CSMD1: variants seen among roughly 807,000 people sequenced by gnomAD.
CSMD1 encodes CUB and sushi domain-containing protein 1.
Under a neutral mutation model 417.5 loss-of-function variants are expected in CSMD1, and 213 were observed. The observed-to-expected ratio is 0.51, with a 90% CI of 0.46 to 0.57. CSMD1 has a LOEUF of 0.57. Among genes scored for constraint, CSMD1 ranks in the 20% least tolerant of loss-of-function variants. CSMD1 has a pLI of 0.00. For missense variants in CSMD1, 6,923 were observed against 4,529.7 expected (o/e 1.53, Z -15.17); for synonymous variants, 2,862 against 1,736.8 (o/e 1.65, Z -16.11).
chr8:3,626,358 T>C (rs1796493235), intron 7 of CSMD1, among the ~76,000 whole-genome samples: 2 of 152,218 alleles, frequency 1.3e-5, no homozygotes, highest in African/African-American at 4.8e-5. Context: ...CAATTATTCA[T>C]GGTCTCCTCA....
In CSMD1 at chr8:3,976,266, C is replaced by G. The variant is rs540762245; in HGVS notation, c.818+21637G>C. Among the ~76,000 whole-genome samples the G allele has an allele frequency of 1.2e-4, 18 of 152,046 alleles. No homozygotes were observed. The South Asian group carries it at 3.7e-3, about 32-fold the overall frequency. On this transcript the variant is annotated intron_variant, in intron 5 of 69. Transcript: ENST00000635120. ...TAAAAATTATTTAAAAATGTAACTT[C>G]TTAATTATTTTTAGCTGTCAGGTTA... is the stretch of plus-strand genomic sequence containing the variant.
intron 5 of CSMD1, among the ~76,000 whole-genome samples, chr8:3,882,652 A>G (rs1277978495): frequency 6.6e-6 from 1 of 152,188 alleles, no homozygotes; most frequent in African/African-American, 2.4e-5. Flanking sequence ...AGGGATATAA[A>G]TAAGTTGTGG....
At chr8:4,487,530 G>A (rs1409103525) in intron 2 of CSMD1, among the ~76,000 whole-genome samples, 3 of 152,156 alleles carry the variant, frequency 2.0e-5, no homozygotes, top group Non-Finnish European at 4.4e-5. Flanking sequence ...ATTCCATGGT[G>A]TACATGTGCC....
At position 4,220,351 on chromosome 8, in the gene CSMD1, G is replaced by A. The variant is rs149620754; in HGVS notation, c.416-188252C>T. Among the ~76,000 whole-genome samples, 116 of 152,304 alleles carry A rather than the reference G, an allele frequency of 7.6e-4. 1 individual carries two copies. The highest frequency in any genetic ancestry group is 2.6e-3 in the African/African-American group (107 of 41,574). Reference sequence around the variant, plus strand: ...AGGAGGTTAGCATGTACAACAGCAGGAAAGAGGACCACACCATGAGGAGGA... The same window carrying A: ...AGGAGGTTAGCATGTACAACAGCAGAAAAGAGGACCACACCATGAGGAGGA... On this transcript the variant is annotated intron_variant, in intron 3 of 69. Coordinates refer to ENST00000635120, the MANE Select transcript of CSMD1 (RefSeq NM_033225.6).
At chr8:4,808,716 C>T (rs1361732751) in intron 1 of CSMD1, among the ~76,000 whole-genome samples, 1 of 152,142 alleles carries the variant, frequency 6.6e-6, no homozygotes, top group African/African-American at 2.4e-5. Context: ...TGAACACGCC[C>T]ACTCAGAAAG....
At chr8:4,295,740 ATG>A (rs36133370) in intron 3 of CSMD1, among the ~76,000 whole-genome samples, 5 of 33,006 alleles carry the variant, frequency 1.5e-4, no homozygotes, top group South Asian at 1.7e-3. Flanking sequence ...GTGTGTGTAT[ATG>A]TGTGTGTGTA....
chr8:3,252,314 G>T (rs1414599581), intron 26 of CSMD1, among the ~76,000 whole-genome samples: 22 of 152,186 alleles, frequency 1.4e-4, no homozygotes, highest in Admixed American at 1.4e-3. Context: ...CATCTATTGG[G>T]ATTATCACGT....
At chr8:3,984,027 T>G (rs1439845758) in intron 5 of CSMD1, among the ~76,000 whole-genome samples, 2 of 148,448 alleles carry the variant, frequency 1.3e-5, no homozygotes, top group East Asian at 2.0e-4. Context: ...ATTGCAGCTC[T>G]AGAGCACACG....
chr8:4,399,990 C>G (rs996711467), intron 3 of CSMD1, among the ~76,000 whole-genome samples: 1 of 152,126 alleles, frequency 6.6e-6, no homozygotes, highest in East Asian at 1.9e-4. Context: ...ATAAGCCTTT[C>G]TTTCCAAGTG....
chr8:4,771,479 G>T (rs549089674), intron 1 of CSMD1, among the ~76,000 whole-genome samples: 12 of 152,198 alleles, frequency 7.9e-5, no homozygotes, highest in Non-Finnish European at 5.9e-5. Context: ...AAGCTCAGTC[G>T]TGAGAATGCG....
chr8:3,442,903 T>C (rs1167173005), intron 12 of CSMD1, among the ~76,000 whole-genome samples: 4 of 152,250 alleles, frequency 2.6e-5, no homozygotes, highest in Non-Finnish European at 5.9e-5. Context: ...TTGTGAAGTA[T>C]TCCCCCATCT....
intron 1 of CSMD1, among the ~76,000 whole-genome samples, chr8:4,972,224 T>A (rs1263367186): frequency 2.0e-4 from 31 of 152,044 alleles, no homozygotes; most frequent in Admixed American, 2.0e-3. Flanking sequence ...AATTTTTGTG[T>A]CCTGTAAGAG....
intron 5 of CSMD1, among the ~76,000 whole-genome samples, chr8:3,916,856 A>G (rs974680849): frequency 6.6e-6 from 1 of 152,078 alleles, no homozygotes; most frequent in African/African-American, 2.4e-5. Context: ...AGAGATAAGG[A>G]CTTGCACCAA....
chr8:3,429,902 C>T (rs775490313), intron 12 of CSMD1, among the ~76,000 whole-genome samples: 1 of 152,166 alleles, frequency 6.6e-6, no homozygotes, highest in African/African-American at 2.4e-5. Flanking sequence ...CAGATCACAC[C>T]AGGGGCACTG....
intron 2 of CSMD1, among the ~76,000 whole-genome samples, chr8:4,467,697 G>A (rs1177898967): frequency 6.6e-6 from 1 of 152,108 alleles, no homozygotes; most frequent in Non-Finnish European, 1.5e-5. Flanking sequence ...GGTTGGACAA[G>A]CTATTATCTT....
chr8:3,187,912 G>A lies in CSMD1; in HGVS notation c.5577C>T (p.His1859=), dbSNP rs370550242. Residue 1859 remains histidine (H), a synonymous_variant, in exon 36 of 70, where the codon CAC becomes CAT. Transcript: ENST00000635120. ...TEQNWDSLEI[H]DGGDVTAPRL... is the part of the protein sequence containing the mutation. ...TGGGTGCGGTCACATCCCCACCATCGTGGATCTCAAGGGAGTCCCAGTTCT... is the reference window on the plus strand; with the variant it reads ...TGGGTGCGGTCACATCCCCACCATCATGGATCTCAAGGGAGTCCCAGTTCT... 13 of 1,613,008 alleles carry A rather than the reference G, an allele frequency of 8.1e-6. No homozygotes were observed. Among genetic ancestry groups the A allele is most frequent in the Admixed American group, 3.3e-5 (2 of 59,944 alleles).
chr8:4,176,926 A>G (rs963661362), intron 3 of CSMD1, among the ~76,000 whole-genome samples: 5 of 149,970 alleles, frequency 3.3e-5, no homozygotes, highest in African/African-American at 1.2e-4. Flanking sequence ...CCAGATTCAT[A>G]AAGCAAGTCC....
chr8:4,137,300 A>C (rs1050234486), intron 3 of CSMD1, among the ~76,000 whole-genome samples: 2 of 152,204 alleles, frequency 1.3e-5, no homozygotes, highest in African/African-American at 4.8e-5. Flanking sequence ...TCAAAATAGG[A>C]CGTGTCAGTG....
intron 5 of CSMD1, among the ~76,000 whole-genome samples, chr8:3,983,115 A>G (rs1055082640): frequency 6.9e-6 from 1 of 144,124 alleles, no homozygotes; most frequent in African/African-American, 2.6e-5. Flanking sequence ...ATCGTTATGC[A>G]TCCTCCCACA....
Sources: gnomAD v4.1 joint callset for allele counts (sites outside exome capture counted in the v4.1 genomes callset) on GRCh38, gnomAD v4.1.1 for gene constraint, MANE v1.5 for transcripts, NCBI Gene and HGNC (gene_info 2026-07-23, HGNC 2026-07-21) for gene names.